BMPR1B: variants seen among roughly 807,000 people sequenced by gnomAD.
BMPR1B encodes bone morphogenetic protein receptor type 1B.
A neutral mutation model predicts 59.1 loss-of-function variants in BMPR1B; 12 were observed. That is an observed-to-expected ratio of 0.20 (90% CI 0.13 to 0.33). BMPR1B has a LOEUF of 0.33. Ranked by LOEUF, BMPR1B falls within the 10% of genes least tolerant of loss-of-function variation. BMPR1B has a pLI of 1.00. For missense variants in BMPR1B, 550 were observed against 610.9 expected (o/e 0.90, Z 1.05); for synonymous variants, 237 against 207.3 (o/e 1.14, Z -1.23).
chr4:95,069,219 C>G (rs1474186703), intron 3 of BMPR1B, among the ~76,000 whole-genome samples: 3 of 152,278 alleles, frequency 2.0e-5, no homozygotes, highest in African/African-American at 7.2e-5. Flanking sequence ...TCAGTGTTTG[C>G]CTTCATTATA....
chr4:95,071,752 A>C (rs969473502), intron 3 of BMPR1B, among the ~76,000 whole-genome samples: 3 of 150,568 alleles, frequency 2.0e-5, no homozygotes, highest in African/African-American at 7.4e-5. Flanking sequence ...GAAAACCATA[A>C]TTCAAGGGCC....
intron 1 of BMPR1B, among the ~76,000 whole-genome samples, chr4:94,792,551 C>T (rs748040355): frequency 2.6e-5 from 4 of 151,986 alleles, no homozygotes; most frequent in Middle Eastern, 3.2e-3. Context: ...AGAATTATGT[C>T]CAAAATGCCA....
At chr4:94,788,993 C>A (rs1156645271) in intron 1 of BMPR1B, among the ~76,000 whole-genome samples, 2 of 152,188 alleles carry the variant, frequency 1.3e-5, no homozygotes, top group African/African-American at 4.8e-5. Flanking sequence ...GGCCTTTGCC[C>A]ATTTGCTATC....
chr4:94,779,980 G>T lies in BMPR1B; in HGVS notation c.-183+21912G>T, dbSNP rs540397978. 5.3e-5 allele frequency among the ~76,000 whole-genome samples: 8 copies of T among 151,684 alleles called. No individual in the cohort carries two copies. In the South Asian group the frequency reaches 1.7e-3, roughly 32 times the overall value. The stretch of plus-strand genomic sequence containing the variant: ...TTCCCCCCCTTCCCTTAATCTCTAT[G>T]TTACATTTGTTGGGTTACATTTGTT... On this transcript the variant is annotated intron_variant, in intron 1 of 12. Coordinates refer to ENST00000515059, the MANE Select transcript of BMPR1B (RefSeq NM_001203.3).
At chr4:95,104,249 C>A in intron 3 of BMPR1B, 159 bp from the exon 4 acceptor site, 2 of 834,152 alleles carry the variant, frequency 2.4e-6, no homozygotes, top group Non-Finnish European at 3.7e-6. Context: ...AGGTAAAAGA[C>A]ATGATTTTAA....
At chr4:94,952,954 G>T (rs1730004363) in intron 2 of BMPR1B, among the ~76,000 whole-genome samples, 1 of 152,160 alleles carries the variant, frequency 6.6e-6, no homozygotes, top group Non-Finnish European at 1.5e-5. Context: ...TGTATTGGGT[G>T]CATATATATT....
intron 1 of BMPR1B, among the ~76,000 whole-genome samples, chr4:94,873,069 T>G (rs1279985599): frequency 6.6e-6 from 1 of 152,188 alleles, no homozygotes; most frequent in Non-Finnish European, 1.5e-5. Flanking sequence ...TATGATTTTT[T>G]TTTTTGGCCA....
Position 95,116,421 on chromosome 4 carries a change from G to GCGCGCACACACACACACA in BMPR1B, c.349+635_349+636insGCGCACACACACACACAC. The stretch of plus-strand genomic sequence containing the variant: ...CTCCTCCTCCATGCTTTCAGCGCGC[G>GCGCGCACACACACACACA]CACACACACACACACACACACACAC... On this transcript the variant is annotated intron_variant, in intron 6 of 12. Coordinates refer to ENST00000515059, the MANE Select transcript of BMPR1B (RefSeq NM_001203.3). Among the ~76,000 whole-genome samples the GCGCGCACACACACACACA allele has an allele frequency of 5.0e-4, 62 of 123,244 alleles. 1 individual carries two copies. Among genetic ancestry groups the GCGCGCACACACACACACA allele is most frequent in the African/African-American group, 2.0e-3 (55 of 27,852 alleles). 80.9% of individuals were successfully genotyped at this position (123,244 alleles called of 152,430 possible).
At chr4:95,117,458 G>A (rs1309686146) in intron 6 of BMPR1B, among the ~76,000 whole-genome samples, 1 of 152,104 alleles carries the variant, frequency 6.6e-6, no homozygotes, top group East Asian at 1.9e-4. Flanking sequence ...GTATGAAACA[G>A]CATGACTGGT....
At chr4:94,941,197 A>G (rs1729496989) in intron 2 of BMPR1B, among the ~76,000 whole-genome samples, 2 of 152,160 alleles carry the variant, frequency 1.3e-5, no homozygotes, top group African/African-American at 4.8e-5. Flanking sequence ...TGGGAGGCCA[A>G]GGCAGGCAGA....
chr4:94,921,031 T>G (rs1728667824), intron 2 of BMPR1B, among the ~76,000 whole-genome samples: 1 of 152,148 alleles, frequency 6.6e-6, no homozygotes, highest in African/African-American at 2.4e-5. Context: ...AAATTGCATG[T>G]ACCCACACTA....
At chr4:95,105,286 T>C (rs990582517) in intron 4 of BMPR1B, among the ~76,000 whole-genome samples, 1 of 151,972 alleles carries the variant, frequency 6.6e-6, no homozygotes, top group Non-Finnish European at 1.5e-5. Context: ...AAGAGAGAAG[T>C]GGGTCAGCTA....
chr4:94,970,684 G>A (rs1406735847), intron 2 of BMPR1B, among the ~76,000 whole-genome samples: 8 of 151,864 alleles, frequency 5.3e-5, no homozygotes, highest in Admixed American at 5.3e-4. Context: ...CATATTTATG[G>A]GGTATATGTG....
At chr4:94,843,987 A>G (rs1033185658) in intron 1 of BMPR1B, among the ~76,000 whole-genome samples, 1 of 105,344 alleles carries the variant, frequency 9.5e-6, no homozygotes. Flanking sequence ...AAAGAGTAGA[A>G]TGGTGGTCCC....
chr4:94,838,130 G>A (rs1724897555), intron 1 of BMPR1B, among the ~76,000 whole-genome samples: 1 of 142,594 alleles, frequency 7.0e-6, no homozygotes, highest in Admixed American at 6.9e-5. Flanking sequence ...TGGTGGATAA[G>A]CTTTTTGATG....
At chr4:94,933,933 T>C (rs570516970) in intron 2 of BMPR1B, among the ~76,000 whole-genome samples, 1 of 152,242 alleles carries the variant, frequency 6.6e-6, no homozygotes, top group South Asian at 2.1e-4. Context: ...AGTACATAGG[T>C]ATTCCGTTGC....
At position 95,154,598 on chromosome 4, in the gene BMPR1B, T is replaced by A. The variant is rs144080146; in HGVS notation, c.1434T>A (p.Pro478=). The A allele has an allele frequency of 2.9e-4, 466 of 1,614,112 alleles. No homozygotes were observed. Among genetic ancestry groups the A allele is most frequent in the Non-Finnish European group, 3.6e-4 (429 of 1,179,952 alleles). Residue 478 remains proline (P), a synonymous_variant, in exon 13 of 13, where the codon CCT becomes CCA. Transcript: ENST00000515059. Reference sequence around the variant, plus strand: ...TGACAGAATGCTGGGCTCACAATCCTGCATCAAGGCTGACAGCCCTGCGGG... The same window carrying A: ...TGACAGAATGCTGGGCTCACAATCCAGCATCAAGGCTGACAGCCCTGCGGG... The part of the protein sequence containing the change: ...KLMTECWAHN[P]ASRLTALRVK...
intron 3 of BMPR1B, among the ~76,000 whole-genome samples, chr4:95,071,938 T>G (rs983810434): frequency 6.6e-6 from 1 of 151,992 alleles, no homozygotes; most frequent in Non-Finnish European, 1.5e-5. Context: ...TCTGTTTGTG[T>G]GCATGTGTGT....
intron 2 of BMPR1B, among the ~76,000 whole-genome samples, chr4:94,887,414 A>AAAC (rs1388453316): frequency 1.3e-3 from 198 of 149,932 alleles, no homozygotes; most frequent in African/African-American, 4.4e-3. Context: ...AAAAAAAAAA[A>AAAC]AAAAAAAAAC....
Sources: allele counts gnomAD v4.1 joint callset (sites outside exome capture counted in the v4.1 genomes callset), GRCh38; gene constraint gnomAD v4.1.1; transcripts MANE v1.5; gene names NCBI Gene and HGNC (gene_info 2026-07-23, HGNC 2026-07-21).